The following LGSN variants were observed in gnomAD, a reference collection of about 807,000 sequenced individuals.
LGSN encodes lengsin, lens protein with glutamine synthetase domain, also known as lengsin.
In LGSN, 21 loss-of-function variants were observed where a neutral mutation model predicts 19.5. That is an observed-to-expected ratio of 1.07 (90% confidence interval 0.76 to 1.55). The LOEUF (loss-of-function observed/expected upper bound fraction) is 1.55, where lower values mean the gene tolerates loss of function less well. Ranked by LOEUF, LGSN falls within the 40% of genes most tolerant of loss-of-function variation. The pLI is 0.00. For synonymous variants in LGSN, 257 were observed against 215.6 expected (o/e 1.19, Z -1.68); for missense variants, 673 against 608.5 (o/e 1.11, Z -1.12).
chr6:63,356,837 AT>A, the LGSN span, among the ~76,000 whole-genome samples: 15 of 150,574 alleles, frequency 1.0e-4, no homozygotes, highest in Admixed American at 2.0e-4. Flanking sequence ...ACAACCCCCA[AT>A]TTTTTTTTAT....
At chr6:63,532,730 ATTG>A in the LGSN span, among the ~76,000 whole-genome samples, 3 of 152,160 alleles carry the variant, frequency 2.0e-5, no homozygotes, top group African/African-American at 7.2e-5. Flanking sequence ...AAAATATTTT[ATTG>A]TTACAAATTT....
chr6:63,553,482 T>C, the LGSN span, among the ~76,000 whole-genome samples: 3 of 152,208 alleles, frequency 2.0e-5, no homozygotes, highest in African/African-American at 7.2e-5. Flanking sequence ...AAGTTCTTCT[T>C]GGCCAAGACA....
At chr6:63,565,559 A>G in the LGSN span, among the ~76,000 whole-genome samples, 1 of 152,224 alleles carries the variant, frequency 6.6e-6, no homozygotes, top group African/African-American at 2.4e-5. Context: ...AGCAGGATTC[A>G]TTTATTAATA....
chr6:63,285,828 T>C (rs1177619452), intron 2 of LGSN, 75 bp from the exon 3 acceptor site: 1 of 1,114,956 alleles, frequency 9.0e-7, no homozygotes, highest in Non-Finnish European at 1.3e-6. Flanking sequence ...TGGAGACTAG[T>C]GAATTAGTCA....
chr6:63,370,072 G>A, the LGSN span, among the ~76,000 whole-genome samples: 1 of 152,192 alleles, frequency 6.6e-6, no homozygotes, highest in Middle Eastern at 3.4e-3. Context: ...TCTCTTCCAG[G>A]TATTTGCAAC....
chr6:63,432,113 GAAAGAAA>G, the LGSN span, among the ~76,000 whole-genome samples: 5 of 88,116 alleles, frequency 5.7e-5, no homozygotes, highest in South Asian at 8.5e-4. Context: ...AAGAAAGAAA[GAAAGAAA>G]GAAAGAAAGA....
the LGSN span, among the ~76,000 whole-genome samples, chr6:63,519,278 G>C: frequency 6.6e-6 from 1 of 151,974 alleles, no homozygotes; most frequent in Non-Finnish European, 1.5e-5. Flanking sequence ...TTGCACTCCA[G>C]CCTGGGTGAC....
chr6:63,509,466 T>A, the LGSN span, among the ~76,000 whole-genome samples: 1 of 152,052 alleles, frequency 6.6e-6, no homozygotes, highest in East Asian at 1.9e-4. Flanking sequence ...TGCAGTATAA[T>A]CTCAATTAGG....
At chr6:63,427,485 G>A in the LGSN span, among the ~76,000 whole-genome samples, 1 of 152,066 alleles carries the variant, frequency 6.6e-6, no homozygotes, top group Admixed American at 6.6e-5. Context: ...GAAAAAATAG[G>A]CTATTCCTGA....
At chr6:63,356,833 C>T in the LGSN span, among the ~76,000 whole-genome samples, 1 of 151,576 alleles carries the variant, frequency 6.6e-6, no homozygotes, top group Admixed American at 6.6e-5. Context: ...AATCACAACC[C>T]CCAATTTTTT....
chr6:63,474,887 C>CA, the LGSN span, among the ~76,000 whole-genome samples: 660 of 110,410 alleles, frequency 6.0e-3, 4 homozygotes, highest in African/African-American at 0.014. Context: ...GACTCCGTCT[C>CA]AAAAAAAAAA....
the LGSN span, among the ~76,000 whole-genome samples, chr6:63,530,150 A>C: frequency 1.3e-5 from 2 of 152,222 alleles, no homozygotes; most frequent in Non-Finnish European, 2.9e-5. Flanking sequence ...GTCAAATTGG[A>C]ACCATCCAAA....
chr6:63,504,899 C>A, the LGSN span, among the ~76,000 whole-genome samples: 4 of 152,180 alleles, frequency 2.6e-5, no homozygotes, highest in Admixed American at 6.5e-5. Context: ...TAAGAATTTT[C>A]TCCCCATTTC....
At chr6:63,379,856 C>T in the LGSN span, among the ~76,000 whole-genome samples, 2 of 149,758 alleles carry the variant, frequency 1.3e-5, no homozygotes, top group Non-Finnish European at 3.0e-5. Context: ...TTTTTTTTTG[C>T]GATGGAGTCT....
chr6:63,301,659 GA>G (rs1768190290), intron 1 of LGSN, among the ~76,000 whole-genome samples: 1 of 151,954 alleles, frequency 6.6e-6, no homozygotes, highest in African/African-American at 2.4e-5. Flanking sequence ...GTTCACAGGG[GA>G]AAAAAGTAAA....
At chr6:63,305,041 A>G (rs1768325364) in intron 1 of LGSN, among the ~76,000 whole-genome samples, 1 of 152,190 alleles carries the variant, frequency 6.6e-6, no homozygotes, top group Non-Finnish European at 1.5e-5. Context: ...CTCTTGCATT[A>G]GACCCCAACA....
the LGSN span, among the ~76,000 whole-genome samples, chr6:63,534,452 A>AACACACACACAC: frequency 6.9e-6 from 1 of 144,416 alleles, no homozygotes; most frequent in South Asian, 2.2e-4. Context: ...CACACAGAGA[A>AACACACACACAC]ACACACACAC....
At chr6:63,440,593 T>C in the LGSN span, among the ~76,000 whole-genome samples, 2 of 152,194 alleles carry the variant, frequency 1.3e-5, no homozygotes, top group Non-Finnish European at 2.9e-5. Flanking sequence ...CTGTTTCTCC[T>C]TTCCCTAGAT....
chr6:63,468,737 G>C, the LGSN span, among the ~76,000 whole-genome samples: 1 of 151,284 alleles, frequency 6.6e-6, no homozygotes, highest in South Asian at 2.1e-4. Flanking sequence ...CATGTTTTTA[G>C]TTAGTTAGTT....
Sources: allele counts gnomAD v4.1 joint callset (sites outside exome capture counted in the v4.1 genomes callset), GRCh38; gene constraint gnomAD v4.1.1; transcripts MANE v1.5; gene names NCBI Gene and HGNC (gene_info 2026-07-23, HGNC 2026-07-21).